TTC3: variants seen among roughly 807,000 people sequenced by gnomAD.
The protein encoded by TTC3 is E3 ubiquitin-protein ligase TTC3.
Under a neutral mutation model 249.6 loss-of-function variants are expected in TTC3, and 180 were observed. The ratio of observed to expected loss-of-function variants is 0.72; its 90% CI spans 0.64 to 0.82. The LOEUF is 0.82. TTC3 is among the 40% of genes least tolerant of loss of function. TTC3 has a pLI of 0.00. For missense variants in TTC3, 2,061 were observed against 2,398.4 expected (o/e 0.86, Z 2.94); for synonymous variants, 717 against 805.0 (o/e 0.89, Z 1.85).
In TTC3 at chr21:37,118,849, G is replaced by A. The variant is rs2076366346; in HGVS notation, c.901-2968G>A. On this transcript the variant is annotated intron_variant, in intron 11 of 45. Transcript: ENST00000355666. ...TTATCTGCCTTTATTTCCATCCAAT[G>A]TACTTTTCATCTTAAATGCTATAGT... Among the ~76,000 whole-genome samples the A allele has an allele frequency of 2.6e-5, 4 of 151,958 alleles. No individual in the cohort carries two copies. In the South Asian group the frequency reaches 6.2e-4, roughly 24 times the overall value.
intron 44 of TTC3, among the ~76,000 whole-genome samples, chr21:37,199,488 CTG>C (rs1240537864): frequency 6.6e-6 from 1 of 152,236 alleles, no homozygotes; most frequent in African/African-American, 2.4e-5. Flanking sequence ...GCTCACCAGA[CTG>C]TGAGCCGCTG....
At chr21:37,080,342 G>A (rs1436304780) in intron 1 of TTC3, among the ~76,000 whole-genome samples, 1 of 147,646 alleles carries the variant, frequency 6.8e-6, no homozygotes, top group Non-Finnish European at 1.5e-5. Flanking sequence ...TACTTGTGTT[G>A]CCAGAGAATA....
intron 20 of TTC3, among the ~76,000 whole-genome samples, chr21:37,141,416 C>CCT (rs2078442286): frequency 6.8e-6 from 1 of 147,778 alleles, no homozygotes; most frequent in South Asian, 2.1e-4. Context: ...GGGGAATCCC[C>CCT]CCCCCAGCCA....
intron 35 of TTC3, among the ~76,000 whole-genome samples, chr21:37,181,645 C>G (rs2082771910): frequency 6.6e-6 from 1 of 152,216 alleles, no homozygotes; most frequent in Non-Finnish European, 1.5e-5. Context: ...GTGCCAAAAT[C>G]AACCTTATCC....
chr21:37,100,251 A>C (rs1043928419), intron 10 of TTC3, among the ~76,000 whole-genome samples: 5 of 152,224 alleles, frequency 3.3e-5, no homozygotes, highest in Non-Finnish European at 7.3e-5. Context: ...CCATTGGTAC[A>C]TGGGTGTTCA....
chr21:37,127,761 C>A (rs1440792443), intron 15 of TTC3, among the ~76,000 whole-genome samples: 3 of 152,080 alleles, frequency 2.0e-5, no homozygotes, highest in Non-Finnish European at 4.4e-5. Context: ...TTTTTTGTGA[C>A]CTGCAGCTCC....
chr21:37,110,346 T>C (rs942270947), intron 11 of TTC3, among the ~76,000 whole-genome samples: 1 of 152,062 alleles, frequency 6.6e-6, no homozygotes, highest in Non-Finnish European at 1.5e-5. Context: ...GAATAACCAA[T>C]GCAGAGAAGT....
chr21:37,195,282 G>C (rs1555918549), intron 41 of TTC3, among the ~76,000 whole-genome samples: 1 of 152,174 alleles, frequency 6.6e-6, no homozygotes, highest in Non-Finnish European at 1.5e-5. Context: ...AGAGGAGGCG[G>C]CCCCCTGGGA....
At chr21:37,197,474 T>C in intron 42 of TTC3, 96 bp from the exon 43 acceptor site, 1 of 1,457,980 alleles carries the variant, frequency 6.9e-7, no homozygotes, top group Non-Finnish European at 9.5e-7. Context: ...TTGTCTTTGT[T>C]TCTTTGGGTT....
chr21:37,109,860 A>G (rs1239255602), intron 11 of TTC3, among the ~76,000 whole-genome samples: 1 of 152,176 alleles, frequency 6.6e-6, no homozygotes, highest in Non-Finnish European at 1.5e-5. Flanking sequence ...CTCTGAGACA[A>G]AACTTCCAGA....
In TTC3 at chr21:37,192,230, T is replaced by A; in HGVS notation, c.5217+17T>A. 3.5e-6 allele frequency: 1 copy of A among 287,786 alleles called. No individual in the cohort carries two copies. The highest frequency in any genetic ancestry group is 5.5e-6 in the Non-Finnish European group (1 of 181,396). 17.8% of individuals were successfully genotyped at this position (287,786 alleles called of 1,614,324 possible). ...TGTAACACGGTAAGTCTAGCACATC[T>A]TTTTTTTTTTTTTAAACCATAATTC... is the stretch of plus-strand genomic sequence containing the variant. On this transcript the variant is annotated intron_variant, in intron 41 of 45. Coordinates refer to ENST00000355666, the Ensembl canonical transcript of TTC3.
At chr21:37,180,693 T>A (rs1410975250) in intron 35 of TTC3, among the ~76,000 whole-genome samples, 1 of 149,994 alleles carries the variant, frequency 6.7e-6, no homozygotes, top group African/African-American at 2.5e-5. Flanking sequence ...TGCACCAGCA[T>A]GGCACATGTA....
At chr21:37,129,862 C>CT (rs1389438307) in intron 16 of TTC3, among the ~76,000 whole-genome samples, 1 of 152,172 alleles carries the variant, frequency 6.6e-6, no homozygotes, top group Non-Finnish European at 1.5e-5. Context: ...CCAGGCTGGT[C>CT]TTGAACTCCT....
At chr21:37,160,488 T>A (rs1787366) in intron 29 of TTC3, among the ~76,000 whole-genome samples, 152,303 of 152,304 alleles carry the variant, frequency 1, 76,151 homozygotes, top group Non-Finnish European at 1. Context: ...TAATAATAAA[T>A]TTACTATTAT....
At chr21:37,127,147 G>A (rs1046823973) in intron 15 of TTC3, among the ~76,000 whole-genome samples, 2 of 152,106 alleles carry the variant, frequency 1.3e-5, no homozygotes, top group African/African-American at 4.8e-5. Context: ...GTGCCACCAC[G>A]CCCAGCCTGG....
intron 15 of TTC3, among the ~76,000 whole-genome samples, chr21:37,126,485 A>G (rs900942460): frequency 6.6e-6 from 1 of 151,998 alleles, no homozygotes. Context: ...GCCTGTTTAG[A>G]CCTTTTTAAA....
At chr21:37,185,221 C>T (rs2083126383) in intron 36 of TTC3, among the ~76,000 whole-genome samples, 1 of 152,236 alleles carries the variant, frequency 6.6e-6, no homozygotes, top group African/African-American at 2.4e-5. Context: ...ATCGGAGATT[C>T]ACACACTTGT....
chr21:37,074,495 T>C (rs1270897725), intron 1 of TTC3, among the ~76,000 whole-genome samples: 1 of 152,198 alleles, frequency 6.6e-6, no homozygotes, highest in East Asian at 1.9e-4. Context: ...CCTTAGGCGT[T>C]CTTGATGATA....
intron 9 of TTC3, among the ~76,000 whole-genome samples, chr21:37,096,230 C>T (rs2073928466): frequency 6.6e-6 from 1 of 152,238 alleles, no homozygotes. Flanking sequence ...GTCAAAACGA[C>T]ATAGTCCTGA....
Sources: gnomAD v4.1 joint callset for allele counts (sites outside exome capture counted in the v4.1 genomes callset) on GRCh38, gnomAD v4.1.1 for gene constraint, MANE v1.5 for transcripts, NCBI Gene and HGNC (gene_info 2026-07-23, HGNC 2026-07-21) for gene names.